The following PREX1 variants were observed in gnomAD, a reference collection of about 807,000 sequenced individuals.
The protein encoded by PREX1 is phosphatidylinositol-3,4,5-trisphosphate dependent Rac exchange factor 1, also known as phosphatidylinositol 3,4,5-trisphosphate-dependent Rac exchanger 1 protein.
PREX1 carries 41 observed loss-of-function variants against 198.3 expected under a neutral mutation model. The ratio of observed to expected loss-of-function variants is 0.21; its 90% confidence interval spans 0.16 to 0.27. The LOEUF (loss-of-function observed/expected upper bound fraction) is 0.27, where lower values mean the gene tolerates loss of function less well. Ranked by LOEUF, PREX1 falls within the 10% of genes least tolerant of loss-of-function variation. PREX1 has a pLI of 1.00. For synonymous variants in PREX1, 843 were observed against 887.2 expected (o/e 0.95, Z 0.89); for missense variants, 1,620 against 2,200.7 (o/e 0.74, Z 5.28).
intron 1 of PREX1, among the ~76,000 whole-genome samples, chr20:48,749,862 A>AT (rs1295207175): frequency 3.3e-5 from 5 of 151,894 alleles, no homozygotes; most frequent in African/African-American, 9.7e-5. Flanking sequence ...CTGATTTTTT[A>AT]TTAAAAAAAA....
the PREX1 span, among the ~76,000 whole-genome samples, chr20:48,834,674 C>G: frequency 1.3e-5 from 2 of 152,158 alleles, no homozygotes; most frequent in Non-Finnish European, 2.9e-5. Context: ...CTCCTCCCAT[C>G]TCCACCTCCT....
At chr20:48,877,400 T>G in the PREX1 span, among the ~76,000 whole-genome samples, 2 of 152,232 alleles carry the variant, frequency 1.3e-5, no homozygotes, top group Non-Finnish European at 2.9e-5. Context: ...CAGACTTTCT[T>G]TTCCCTCAGC....
chr20:48,717,857 T>C (rs1004156004), intron 5 of PREX1, among the ~76,000 whole-genome samples: 1 of 152,196 alleles, frequency 6.6e-6, no homozygotes, highest in African/African-American at 2.4e-5. Context: ...TGTGTGACCT[T>C]GGACAAGTTG....
At chr20:48,826,910 T>C (rs561839612) in intron 1 of PREX1, among the ~76,000 whole-genome samples, 24 of 152,346 alleles carry the variant, frequency 1.6e-4, no homozygotes, top group Middle Eastern at 3.4e-3. Flanking sequence ...CCCTACTTCA[T>C]AGACCGCCTG....
intron 1 of PREX1, among the ~76,000 whole-genome samples, chr20:48,821,332 T>C (rs772330745): frequency 7.9e-5 from 12 of 152,198 alleles, no homozygotes; most frequent in Non-Finnish European, 1.6e-4. Flanking sequence ...TGCCCTTAAC[T>C]GGTGCTCACC....
At chr20:48,689,861 T>C (rs562004555) in intron 9 of PREX1, among the ~76,000 whole-genome samples, 1 of 152,358 alleles carries the variant, frequency 6.6e-6, no homozygotes, top group Non-Finnish European at 1.5e-5. Context: ...GCTGGGCCCA[T>C]ATTCCTGAGA....
chr20:48,769,123 C>T (rs975338785), intron 1 of PREX1, among the ~76,000 whole-genome samples: 1 of 152,204 alleles, frequency 6.6e-6, no homozygotes, highest in Non-Finnish European at 1.5e-5. Context: ...ATCCACGAAG[C>T]CCTGGCTTCT....
At position 48,665,142 on chromosome 20, in the gene PREX1, C is replaced by A. The variant is rs544150257; in HGVS notation, c.1738+1141G>T. ...AATCCCACCCCAGACGGCCTGAATT[C>A]TAATCCCGGCCCCAGACGGCCTGAA... On this transcript the variant is annotated intron_variant, in intron 15 of 39. Transcript: ENST00000371941. Among the ~76,000 whole-genome samples, 527 of 149,738 alleles carry A rather than the reference C, an allele frequency of 3.5e-3. 1 individual carries two copies. Among genetic ancestry groups the A allele is most frequent in the Non-Finnish European group, 5.2e-3 (351 of 67,416 alleles).
chr20:48,771,714 G>A (rs1222177446), intron 1 of PREX1, among the ~76,000 whole-genome samples: 1 of 152,160 alleles, frequency 6.6e-6, no homozygotes, highest in Non-Finnish European at 1.5e-5. Context: ...GGAACCCGAG[G>A]CCCAGCTGAT....
intron 3 of PREX1, among the ~76,000 whole-genome samples, chr20:48,741,497 C>T (rs1404621352): frequency 2.0e-5 from 3 of 152,150 alleles, no homozygotes; most frequent in Non-Finnish European, 2.9e-5. Context: ...GTACCTAGAA[C>T]TACAGGTGCA....
chr20:48,776,439 G>A (rs1056005004), intron 1 of PREX1, among the ~76,000 whole-genome samples: 3 of 152,224 alleles, frequency 2.0e-5, no homozygotes, highest in African/African-American at 7.2e-5. Context: ...GCTGTGGGAG[G>A]GGATGGCAGC....
chr20:48,634,664 G>A lies in PREX1; in HGVS notation c.4267+12C>T. ...CCACCTCTCACAGTGGGGGATGGGA[G>A]AAATCACTCACTGGCCACATAGTTC... On this transcript the variant is annotated intron_variant, in intron 33 of 39. Transcript: ENST00000371941. 1 of 1,613,098 alleles carries A rather than the reference G, an allele frequency of 6.2e-7. No individual in the cohort carries two copies. The highest frequency in any genetic ancestry group is 1.7e-4 in the Middle Eastern group (1 of 6,036).
At chr20:48,648,251 C>G (rs2089465826) in intron 25 of PREX1, among the ~76,000 whole-genome samples, 1 of 152,202 alleles carries the variant, frequency 6.6e-6, no homozygotes, top group Non-Finnish European at 1.5e-5. Flanking sequence ...GTAATTCCAC[C>G]ACACCTACTT....
chr20:48,641,843 G>A (rs557504221), intron 29 of PREX1, among the ~76,000 whole-genome samples: 72 of 7,376 alleles, frequency 9.8e-3, no homozygotes, highest in African/African-American at 0.026. Flanking sequence ...AGAGAGAGAG[G>A]AAGGAAGGAA....
At chr20:48,650,828 A>G (rs2089489531) in intron 23 of PREX1, 66 bp downstream of exon 23, 4 of 1,568,738 alleles carry the variant, frequency 2.5e-6, no homozygotes, top group Admixed American at 3.6e-5. Context: ...TACAACCCAA[A>G]TATCCCAGGC....
intron 8 of PREX1, among the ~76,000 whole-genome samples, chr20:48,692,054 T>C (rs1211619760): frequency 6.6e-6 from 1 of 152,140 alleles, no homozygotes; most frequent in Admixed American, 6.5e-5. Context: ...CATGTCCAGC[T>C]AGTTTTTGTA....
At chr20:48,879,454 TG>T in the PREX1 span, among the ~76,000 whole-genome samples, 1 of 152,236 alleles carries the variant, frequency 6.6e-6, no homozygotes, top group African/African-American at 2.4e-5. Flanking sequence ...ACATGCTCTG[TG>T]GCTCTCCAGA....
chr20:48,645,950 C>T lies in PREX1; in HGVS notation c.3413G>A (p.Arg1138Lys). 1.2e-6 allele frequency: 2 copies of T among 1,614,226 alleles called. No individual in the cohort carries two copies. Among genetic ancestry groups the T allele is most frequent in the Non-Finnish European group, 8.5e-7 (1 of 1,180,024 alleles). ...PLVSEESEMD[R>K]SDHGGIKKVC... is the part of the protein sequence containing the mutation. Reference sequence around the variant, plus strand: ...CTTCTTGATGCCCCCATGGTCACTCCTGTCCATCTCGCTCTCTTCACTGAC... The same window carrying T: ...CTTCTTGATGCCCCCATGGTCACTCTTGTCCATCTCGCTCTCTTCACTGAC... Residue 1138 changes from arginine to lysine, a missense_variant, in exon 26 of 40, where the codon AGG becomes AAG. Arg to Lys is a conservative substitution (Grantham distance 26). Transcript: ENST00000371941.
chr20:48,869,432 G>A, the PREX1 span, among the ~76,000 whole-genome samples: 11 of 152,050 alleles, frequency 7.2e-5, no homozygotes, highest in East Asian at 1.7e-3. Context: ...CCAAAGTGCT[G>A]GGATTACAGG....
Sources: allele counts gnomAD v4.1 joint callset (sites outside exome capture counted in the v4.1 genomes callset), GRCh38; gene constraint gnomAD v4.1.1; transcripts MANE v1.5; gene names NCBI Gene and HGNC (gene_info 2026-07-23, HGNC 2026-07-21).